The following SOCS1 variants were observed in gnomAD, a reference collection of about 807,000 sequenced individuals.
SOCS1 encodes the protein suppressor of cytokine signaling 1.
Under a neutral mutation model 9.7 loss-of-function variants are expected in SOCS1, and 3 were observed. The ratio of observed to expected loss-of-function variants is 0.31; its 90% CI spans 0.14 to 0.80. The LOEUF is 0.80. SOCS1 is among the 30% of genes least tolerant of loss of function. The pLI, the probability that SOCS1 is intolerant of heterozygous loss-of-function variation, is 0.61. For synonymous variants in SOCS1, 194 were observed against 150.2 expected (o/e 1.29, Z -2.13); for missense variants, 368 against 324.7 (o/e 1.13, Z -1.02).
At chr16:11,255,578 T>G in intron 1 of SOCS1, 50 bp from the exon 2 acceptor site, 1 of 739,264 alleles carries the variant, frequency 1.4e-6, no homozygotes, top group Non-Finnish European at 1.9e-6. Flanking sequence ...GCCGGGCAGG[T>G]GTGCGCCGGC....
Position 11,254,654 on chromosome 16 carries a change from AGG to A in SOCS1, c.*187_*188del. The A allele has an allele frequency of 1.4e-6, 1 of 693,836 alleles. No homozygotes were observed. The highest frequency in any genetic ancestry group is 2.1e-6 in the Non-Finnish European group (1 of 484,232). 43.0% of individuals were successfully genotyped at this position (693,836 alleles called of 1,614,324 possible). On this transcript the variant is annotated 3_prime_UTR_variant, in exon 2 of 2. Coordinates refer to ENST00000332029, the MANE Select transcript of SOCS1 (RefSeq NM_003745.2). ...ACCCAGAGGGAGCACCAGGAGGGGG[AGG>A]ACCCCCTCAAGAGGTGAGAAGGGGT...
rs371479769 is a variant in SOCS1, at chr16:11,254,942, G to A, written c.537C>T (p.Arg179=). 2.5e-5 allele frequency: 37 copies of A among 1,479,450 alleles called. No homozygotes were observed. The African/African-American group carries it at 4.9e-4, about 19-fold the overall frequency. 91.6% of individuals were successfully genotyped at this position (1,479,450 alleles called of 1,614,324 possible). Reference sequence around the variant, plus strand: ...GGCCCACGGTGGCCACGATGCGCTGGCGGCACAGCTCCTGCAGCGGCCGCA... The same window carrying A: ...GGCCCACGGTGGCCACGATGCGCTGACGGCACAGCTCCTGCAGCGGCCGCA... ...RRVRPLQELC[R]QRIVATVGRE... Residue 179 remains arginine (R), a synonymous_variant, in exon 2 of 2, where the codon CGC becomes CGT. Coordinates refer to ENST00000332029, the MANE Select transcript of SOCS1 (RefSeq NM_003745.2).
Position 11,255,071 on chromosome 16 carries a change from G to C in SOCS1, c.408C>G (p.His136Gln). The stretch of plus-strand genomic sequence containing the variant: ...CGAAGCTCTCGCGGCTGCCATCCAG[G>C]TGAAAGCGGCCGGCCTGAAAGTGCA... ...IRVHFQAGRFHLDGSRESFDC... is the reference protein window; with the variant it reads ...IRVHFQAGRFQLDGSRESFDC... Residue 136 changes from histidine (H) to glutamine (Q), a missense_variant, in exon 2 of 2, where the codon CAC (histidine) becomes CAG (glutamine). Transcript: ENST00000332029. The C allele has an allele frequency of 1.2e-6, 2 of 1,609,724 alleles. No individual in the cohort carries two copies. The highest frequency in any genetic ancestry group is 2.2e-5 in the South Asian group (2 of 90,896).
Position 11,256,118 on chromosome 16 carries a change from G to A in SOCS1, c.-90C>T, listed in dbSNP as rs922884671. On this transcript the variant is annotated 5_prime_UTR_variant, in exon 1 of 2. Coordinates refer to ENST00000332029, the MANE Select transcript of SOCS1 (RefSeq NM_003745.2). ...CGGGACGCCGCGGGCGGGACGGCGG[G>A]GGGCTCCGGGGCGCTCCGGGGCGGC... 3.3e-5 allele frequency: 5 copies of A among 151,502 alleles called. No homozygotes were observed. The highest frequency in any genetic ancestry group is 4.8e-5 in the African/African-American group (2 of 41,332). The allele number at this position is 151,502 out of a possible 1,614,324, so 9.4% of individuals were successfully genotyped here.
At chr16:11,255,764 G>C (rs1334969716) in intron 1 of SOCS1, 8 of 292,990 alleles carry the variant, frequency 2.7e-5, no homozygotes, top group Non-Finnish European at 4.4e-5. Flanking sequence ...TCCGGCCTCC[G>C]GGCAGCACCG....
rs1433659096 is a variant in SOCS1, at chr16:11,255,314, G to T, written c.165C>A (p.Phe55Leu). ...AATCGGCGTGCGAACGGAATGTGCGGAAGTGCGTGTCGCCGGGGGCCGGGG... is the reference window on the plus strand; with the variant it reads ...AATCGGCGTGCGAACGGAATGTGCGTAAGTGCGTGTCGCCGGGGGCCGGGG... ...VPAPAPGDTHFRTFRSHADYR... is the reference protein window; with the variant it reads ...VPAPAPGDTHLRTFRSHADYR... The change falls in exon 2 of 2, where the codon TTC (phenylalanine) becomes TTA (leucine). Residue 55 changes from phenylalanine to leucine, a missense_variant. Coordinates refer to ENST00000332029, the MANE Select transcript of SOCS1 (RefSeq NM_003745.2). The T allele has an allele frequency of 2.0e-6, 3 of 1,484,890 alleles. No individual in the cohort carries two copies. Among genetic ancestry groups the T allele is most frequent in the Non-Finnish European group, 2.7e-6 (3 of 1,122,032 alleles). 92.0% of individuals were successfully genotyped at this position (1,484,890 alleles called of 1,614,324 possible). A position where few individuals can be genotyped will look rare whatever the true frequency, so the allele number is the denominator to read the frequency against.
In SOCS1 at chr16:11,256,162, G is replaced by C. The variant is rs910833924; in HGVS notation, c.-134C>G. 1 of 151,666 alleles carries C rather than the reference G, an allele frequency of 6.6e-6. No individual in the cohort carries two copies. The highest frequency in any genetic ancestry group is 1.5e-5 in the Non-Finnish European group (1 of 67,906). 9.4% of individuals were successfully genotyped at this position (151,666 alleles called of 1,614,324 possible). On this transcript the variant is annotated 5_prime_UTR_variant, in exon 1 of 2. Transcript: ENST00000332029. ...GGGCGGCTCTCGCGCATGCTCCGGG[G>C]CCAGGAGCCGTGCAGCTGCCACGGC...
rs2069572573 is a variant in SOCS1, at chr16:11,254,737, C to T, written c.*106G>A. 7.4e-7 allele frequency: 1 copy of T among 1,358,220 alleles called. No individual in the cohort carries two copies. The highest frequency in any genetic ancestry group is 9.5e-7 in the Non-Finnish European group (1 of 1,053,828). 84.1% of individuals were successfully genotyped at this position (1,358,220 alleles called of 1,614,324 possible). A position where few individuals can be genotyped will look rare whatever the true frequency, so the allele number is the denominator to read the frequency against. ...GGCGCCTCGCCCCTACACCCATCCG[C>T]TCCCTCCAACCCAGGCCGGGGAGGG... On this transcript the variant is annotated 3_prime_UTR_variant, in exon 2 of 2. Transcript: ENST00000332029.
In SOCS1 at chr16:11,255,130, C is replaced by A; in HGVS notation, c.349G>T (p.Val117Leu). The A allele has an allele frequency of 6.2e-7, 1 of 1,608,282 alleles. No individual in the cohort carries two copies. The highest frequency in any genetic ancestry group is 2.2e-5 in the East Asian group (1 of 44,626). ...RQRNCFFALSVKMASGPTSIR... is the reference protein window; with the variant it reads ...RQRNCFFALSLKMASGPTSIR... ...CTCGTGGGTCCCGAGGCCATCTTCA[C>A]GCTAAGGGCGAAAAAGCAGTTCCGC... The change falls in exon 2 of 2, where the codon GTG (valine) becomes TTG (leucine). Residue 117 changes from valine (V) to leucine (L), a missense_variant. By Grantham distance (32) the Val-to-Leu change is conservative. Coordinates refer to ENST00000332029, the MANE Select transcript of SOCS1 (RefSeq NM_003745.2).
Position 11,254,982 on chromosome 16 carries a change from A to G in SOCS1, c.497T>C (p.Leu166Pro). 1 of 1,543,876 alleles carries G rather than the reference A, an allele frequency of 6.5e-7. No individual in the cohort carries two copies. The highest frequency in any genetic ancestry group is 1.4e-5 in the African/African-American group (1 of 69,828). ...CAGCGGCCGCACGCGGCGCTGGCGC[A>G]GCGGGGCCCCCAGCATGCGGCGCGG... ...AAPRRMLGAP[L>P]RQRRVRPLQE... The change falls in exon 2 of 2, where the codon CTG (leucine) becomes CCG (proline). Residue 166 changes from leucine (L) to proline (P), a missense_variant. Transcript: ENST00000332029.
Position 11,255,057 on chromosome 16 carries a change from C to G in SOCS1, c.422G>C (p.Arg141Pro). 1 of 1,608,282 alleles carries G rather than the reference C, an allele frequency of 6.2e-7. No individual in the cohort carries two copies. Among genetic ancestry groups the G allele is most frequent in the Non-Finnish European group, 8.5e-7 (1 of 1,178,170 alleles). Residue 141 changes from arginine to proline, a missense_variant, in exon 2 of 2, where the codon CGC becomes CCC. Transcript: ENST00000332029. ...CTCGAAGAGGCAGTCGAAGCTCTCG[C>G]GGCTGCCATCCAGGTGAAAGCGGCC... ...QAGRFHLDGS[R>P]ESFDCLFELL... is the part of the protein sequence containing the mutation.
rs745921278 is a variant in SOCS1, at chr16:11,254,850, T to C, written c.629A>G (p.Gln210Arg). 3.5e-5 allele frequency: 52 copies of C among 1,478,164 alleles called. No homozygotes were observed. In the South Asian group the frequency reaches 5.7e-4, roughly 16 times the overall value. The allele number at this position is 1,478,164 out of a possible 1,614,324, so 91.6% of individuals were successfully genotyped here. ...LRDYLSSFPF[Q>R]I ...CACGGCGGGCGCTGCCGGTCAAATC[T>C]GGAAGGGGAAGGAGCTCAGGTAGTC... The change falls in exon 2 of 2, where the codon CAG becomes CGG. Residue 210 changes from glutamine to arginine, a missense_variant. By Grantham distance (43) the Gln-to-Arg change is conservative. Coordinates refer to ENST00000332029, the MANE Select transcript of SOCS1 (RefSeq NM_003745.2).
chr16:11,255,397 A>G lies in SOCS1; in HGVS notation c.82T>C (p.Ser28Pro), dbSNP rs2141125399. 2 of 1,337,462 alleles carry G rather than the reference A, an allele frequency of 1.5e-6. No individual in the cohort carries two copies. The highest frequency in any genetic ancestry group is 4.1e-5 in the Admixed American group (1 of 24,278). The allele number at this position is 1,337,462 out of a possible 1,614,324, so 82.8% of individuals were successfully genotyped here. The change falls in exon 2 of 2, where the codon TCT becomes CCT. Residue 28 changes from serine to proline, a missense_variant. Physicochemically the swap from Ser to Pro is moderately conservative, Grantham distance 74. Coordinates refer to ENST00000332029, the MANE Select transcript of SOCS1 (RefSeq NM_003745.2). ...GGGGCCGCGGGCGAGGAGGAGGAAG[A>G]GGAGGAAGGTTCTGGCCGCCGTCGG... The part of the protein sequence containing the change: ...EPRRRPEPSS[S>P]SSSSPAAPAR...
chr16:11,254,721 C>T lies in SOCS1; in HGVS notation c.*122G>A. On this transcript the variant is annotated 3_prime_UTR_variant, in exon 2 of 2. Transcript: ENST00000332029. ...CCAGCCGAGGGCGGGAGGCGCCTCGCCCCTACACCCATCCGCTCCCTCCAA... is the reference window on the plus strand; with the variant it reads ...CCAGCCGAGGGCGGGAGGCGCCTCGTCCCTACACCCATCCGCTCCCTCCAA... 7.5e-7 allele frequency: 1 copy of T among 1,329,312 alleles called. No individual in the cohort carries two copies. Among genetic ancestry groups the T allele is most frequent in the South Asian group, 2.1e-5 (1 of 47,046 alleles). 82.3% of individuals were successfully genotyped at this position (1,329,312 alleles called of 1,614,324 possible). A position where few individuals can be genotyped will look rare whatever the true frequency, so the allele number is the denominator to read the frequency against.
Position 11,255,203 on chromosome 16 carries a change from C to A in SOCS1, c.276G>T (p.Arg92=), listed in dbSNP as rs759898861. 9 of 1,580,950 alleles carry A rather than the reference C, an allele frequency of 5.7e-6. No homozygotes were observed. The African/African-American group carries it at 1.2e-4, about 21-fold the overall frequency. The part of the protein sequence containing the change: ...GPLSVHGAHE[R]LRAEPVGTFL... The stretch of plus-strand genomic sequence containing the variant: ...AGGTGCCCACGGGCTCGGCGCGCAG[C>A]CGCTCGTGCGCCCCGTGCACGCTCA... The change falls in exon 2 of 2, where the codon CGG becomes CGT. Residue 92 remains arginine (R), a synonymous_variant. Coordinates refer to ENST00000332029, the MANE Select transcript of SOCS1 (RefSeq NM_003745.2).
Position 11,254,795 on chromosome 16 carries a change from A to AT in SOCS1, c.*47dup. On this transcript the variant is annotated 3_prime_UTR_variant, in exon 2 of 2. Coordinates refer to ENST00000332029, the MANE Select transcript of SOCS1 (RefSeq NM_003745.2). ...ATGGTTCCAGGCAAGTAATAACAAA[A>AT]TAACACGGCATCCCAGTTAATGCTG... is the stretch of plus-strand genomic sequence containing the variant. 1 of 1,436,892 alleles carries AT rather than the reference A, an allele frequency of 7.0e-7. No individual in the cohort carries two copies. Among genetic ancestry groups the AT allele is most frequent in the Non-Finnish European group, 9.1e-7 (1 of 1,098,592 alleles). The allele number at this position is 1,436,892 out of a possible 1,614,324, so 89.0% of individuals were successfully genotyped here.
In SOCS1 at chr16:11,255,012, G is replaced by C. The variant is rs568562022; in HGVS notation, c.467C>G (p.Ala156Gly). The part of the protein sequence containing the change: ...CLFELLEHYV[A>G]APRRMLGAPL... ...GGCCCCCAGCATGCGGCGCGGCGCC[G>C]CCACGTAGTGCTCCAGCAGCTCGAA... The change falls in exon 2 of 2, where the codon GCG becomes GGG. Residue 156 changes from alanine to glycine, a missense_variant. Coordinates refer to ENST00000332029, the MANE Select transcript of SOCS1 (RefSeq NM_003745.2). 12 of 1,588,396 alleles carry C rather than the reference G, an allele frequency of 7.6e-6. No individual in the cohort carries two copies. The South Asian group carries it at 1.2e-4, about 16-fold the overall frequency.
rs2141125019 is a variant in SOCS1, at chr16:11,255,228, A to G, written c.251T>C (p.Leu84Pro). The change falls in exon 2 of 2, where the codon CTG (leucine) becomes CCG (proline). Residue 84 changes from leucine to proline, a missense_variant. Physicochemically the swap from Leu to Pro is moderately conservative, Grantham distance 98. Coordinates refer to ENST00000332029, the MANE Select transcript of SOCS1 (RefSeq NM_003745.2). ...CCGCTCGTGCGCCCCGTGCACGCTC[A>G]GGGGCCCCCAGTAGAATCCGCAGGC... The part of the protein sequence containing the change: ...LDACGFYWGP[L>P]SVHGAHERLR... 1 of 1,570,470 alleles carries G rather than the reference A, an allele frequency of 6.4e-7. No individual in the cohort carries two copies.
At chr16:11,255,946 G>C (rs1182547384) in intron 1 of SOCS1, 133 bp downstream of exon 1, 1 of 152,512 alleles carries the variant, frequency 6.6e-6, no homozygotes, top group East Asian at 1.9e-4. Context: ...GGGCGGCCTG[G>C]GTGGGGCCGG....
Sources: allele counts gnomAD v4.1 joint callset, GRCh38; gene constraint gnomAD v4.1.1; transcripts MANE v1.5; gene names NCBI Gene and HGNC (gene_info 2026-07-23, HGNC 2026-07-21).